ZNF536: variants seen among roughly 807,000 people sequenced by gnomAD.
The protein encoded by ZNF536 is zinc finger protein 536.
A neutral mutation model predicts 84.5 loss-of-function variants in ZNF536; 13 were observed. The ratio of observed to expected loss-of-function variants is 0.15; its 90% CI spans 0.10 to 0.24. The LOEUF (loss-of-function observed/expected upper bound fraction) is 0.24, where lower values mean the gene tolerates loss of function less well. Among genes scored for constraint, ZNF536 ranks in the 10% least tolerant of loss-of-function variants. The pLI, the probability that ZNF536 is intolerant of heterozygous loss-of-function variation, is 1.00. For missense variants in ZNF536, 1,536 were observed against 1,747.5 expected, an observed-to-expected ratio of 0.88 and a Z score of 2.16; for synonymous variants, 811 against 742.5, an observed-to-expected ratio of 1.09 and a Z score of -1.50.
At chr19:30,693,561 G>A (rs957799340) in intron 1 of ZNF536, among the ~76,000 whole-genome samples, 1 of 151,162 alleles carries the variant, frequency 6.6e-6, no homozygotes, top group Admixed American at 6.6e-5. Flanking sequence ...GAGAAGAAAG[G>A]AGGCTCATTT....
chr19:30,297,914 T>G (rs868821274), intron 2 of ZNF536, among the ~76,000 whole-genome samples: 8 of 97,328 alleles, frequency 8.2e-5, no homozygotes, highest in Admixed American at 4.2e-4. Context: ...CCCCCCCCCC[T>G]CTGTCGCCCA....
chr19:30,282,769 G>A lies in ZNF536; in HGVS notation c.-189-1303G>A, dbSNP rs1448962097. On this transcript the variant is annotated intron_variant, in intron 1 of 5. Coordinates refer to the ZNF536 transcript ENST00000585628. ...TCACTCCTTAGATTTTGAGTGACAC[G>A]GGGAAAAAAACAAAAAAAAATGCAA... is the stretch of plus-strand genomic sequence containing the variant. Among the ~76,000 whole-genome samples, 6 of 152,000 alleles carry A rather than the reference G, an allele frequency of 3.9e-5. No homozygotes were observed. The East Asian group carries it at 5.8e-4, about 15-fold the overall frequency.
At chr19:30,406,574 T>C (rs929788687) in intron 1 of ZNF536, among the ~76,000 whole-genome samples, 1 of 152,148 alleles carries the variant, frequency 6.6e-6, no homozygotes, top group Non-Finnish European at 1.5e-5. Context: ...TTGAGGAAAC[T>C]TGGATTATCT....
chr19:30,356,668 G>A (rs147637706), intron 3 of ZNF536, among the ~76,000 whole-genome samples: 1 of 152,188 alleles, frequency 6.6e-6, no homozygotes, highest in Non-Finnish European at 1.5e-5. Context: ...AAGGTCCCAC[G>A]GTGGACACTT....
At chr19:30,291,862 A>G (rs1325763907) in intron 2 of ZNF536, among the ~76,000 whole-genome samples, 1 of 152,150 alleles carries the variant, frequency 6.6e-6, no homozygotes, top group African/African-American at 2.4e-5. Flanking sequence ...TTTTTATATG[A>G]TTGAAAAAAA....
intron 1 of ZNF536, among the ~76,000 whole-genome samples, chr19:30,650,295 G>T (rs1456984957): frequency 6.6e-6 from 1 of 152,216 alleles, no homozygotes; most frequent in African/African-American, 2.4e-5. Flanking sequence ...CCGTTTGAAA[G>T]TAAGAGTAGT....
chr19:30,503,302 T>C (rs1387502648), intron 2 of ZNF536, among the ~76,000 whole-genome samples: 5 of 151,976 alleles, frequency 3.3e-5, no homozygotes, highest in Admixed American at 6.5e-5. Flanking sequence ...TACAAATCAA[T>C]AAGAAAAAGA....
chr19:30,276,110 C>A (rs1186886186), intron 1 of ZNF536, among the ~76,000 whole-genome samples: 1 of 151,736 alleles, frequency 6.6e-6, no homozygotes, highest in African/African-American at 2.4e-5. Flanking sequence ...CGGGGGAGTG[C>A]AGGGAGCCGA....
intron 2 of ZNF536, among the ~76,000 whole-genome samples, chr19:30,484,728 G>A (rs911024782): frequency 4.1e-5 from 6 of 147,694 alleles, no homozygotes; most frequent in African/African-American, 1.5e-4. Context: ...TGGAAAGACT[G>A]TGGAACTCCG....
At chr19:30,649,321 T>C (rs1353714935) in intron 1 of ZNF536, among the ~76,000 whole-genome samples, 1 of 152,238 alleles carries the variant, frequency 6.6e-6, no homozygotes, top group Admixed American at 6.5e-5. Context: ...GTTTGGATTA[T>C]ATGATATCCC....
intron 1 of ZNF536, among the ~76,000 whole-genome samples, chr19:30,666,511 T>G (rs1249766418): frequency 6.6e-6 from 1 of 152,074 alleles, no homozygotes; most frequent in Non-Finnish European, 1.5e-5. Context: ...TGGCGGCCTC[T>G]GCACAGAAGT....
chr19:30,377,620 T>A (rs2147118729), intron 1 of ZNF536, among the ~76,000 whole-genome samples: 1 of 152,302 alleles, frequency 6.6e-6, no homozygotes, highest in South Asian at 2.1e-4. Context: ...CATGGGGAGA[T>A]GTGCTCTGCT....
intron 2 of ZNF536, among the ~76,000 whole-genome samples, chr19:30,492,958 C>T (rs1269754971): frequency 6.6e-6 from 1 of 152,058 alleles, no homozygotes; most frequent in African/African-American, 2.4e-5. Flanking sequence ...ATGTAAAAGC[C>T]GAAGACCTCT....
chr19:30,409,283 G>A (rs1192187904), intron 1 of ZNF536, among the ~76,000 whole-genome samples: 1 of 152,174 alleles, frequency 6.6e-6, no homozygotes, highest in Non-Finnish European at 1.5e-5. Context: ...TTTGAACTTG[G>A]AGAGTGTATT....
chr19:30,311,971 G>T (rs957814322), intron 2 of ZNF536, among the ~76,000 whole-genome samples: 1 of 152,174 alleles, frequency 6.6e-6, no homozygotes, highest in Admixed American at 6.5e-5. Context: ...AGGAGGCTGA[G>T]ATGGAAGGAT....
intron 1 of ZNF536, among the ~76,000 whole-genome samples, chr19:30,229,302 A>G (rs1045052456): frequency 2.6e-5 from 4 of 152,138 alleles, no homozygotes; most frequent in Non-Finnish European, 5.9e-5. Context: ...GAGATTGACA[A>G]TTCTGTTGGA....
At chr19:30,464,569 C>T (rs1419503751) in intron 2 of ZNF536, among the ~76,000 whole-genome samples, 2 of 151,888 alleles carry the variant, frequency 1.3e-5, no homozygotes, top group Non-Finnish European at 2.9e-5. Context: ...CTGGAAATCA[C>T]CAAGACCCCA....
intron 2 of ZNF536, among the ~76,000 whole-genome samples, chr19:30,464,137 C>T (rs1270679080): frequency 6.6e-6 from 1 of 152,176 alleles, no homozygotes; most frequent in African/African-American, 2.4e-5. Flanking sequence ...GTGTTTAAGG[C>T]CTAAGCCCTG....
chr19:30,285,042 T>C (rs1331333274), intron 2 of ZNF536, among the ~76,000 whole-genome samples: 1 of 152,222 alleles, frequency 6.6e-6, no homozygotes, highest in African/African-American at 2.4e-5. Flanking sequence ...CAATGGGTAA[T>C]TTATATCCAT....
Sources: allele counts gnomAD v4.1 joint callset (sites outside exome capture counted in the v4.1 genomes callset), GRCh38; gene constraint gnomAD v4.1.1; transcripts MANE v1.5; gene names NCBI Gene and HGNC (gene_info 2026-07-23, HGNC 2026-07-21).